Variants in TOP6BL observed in about 807,000 individuals in gnomAD.
The protein encoded by TOP6BL is type 2 DNA topoisomerase 6 subunit B-like.
At chr11:66,756,397 G>GA in the TOP6BL span, 1 of 1,152,160 alleles carries the variant, frequency 8.7e-7, no homozygotes, top group Non-Finnish European at 1.1e-6. Context: ...CAGTGGCGCA[G>GA]TCTCGGCTCA....
the TOP6BL span, chr11:66,843,150 G>C: frequency 6.2e-7 from 1 of 1,610,508 alleles, no homozygotes; most frequent in Non-Finnish European, 8.5e-7. Flanking sequence ...CCTCACCCCG[G>C]GCCCCCTTGT....
At chr11:66,838,516 C>T in the TOP6BL span, 37 of 1,386,376 alleles carry the variant, frequency 2.7e-5, no homozygotes, top group East Asian at 4.0e-4. Context: ...TTCAAACTTT[C>T]AAACTATTCC....
chr11:66,759,154 T>G, the TOP6BL span: 1 of 1,187,266 alleles, frequency 8.4e-7, no homozygotes, highest in South Asian at 1.9e-5. Context: ...TAATTTGATA[T>G]TTTCTGAAAC....
At chr11:66,809,008 C>G in the TOP6BL span, among the ~76,000 whole-genome samples, 1 of 152,104 alleles carries the variant, frequency 6.6e-6, no homozygotes, top group Admixed American at 6.6e-5. Flanking sequence ...TGCAGTGGCT[C>G]GATCTGGCTC....
the TOP6BL span, among the ~76,000 whole-genome samples, chr11:66,785,721 C>T: frequency 2.6e-5 from 4 of 152,158 alleles, no homozygotes; most frequent in Non-Finnish European, 5.9e-5. Flanking sequence ...GAGGCTGCTG[C>T]CAGAATCCCC....
the TOP6BL span, among the ~76,000 whole-genome samples, chr11:66,829,724 C>CA: frequency 2.0e-5 from 3 of 151,406 alleles, no homozygotes; most frequent in Admixed American, 2.0e-4. Flanking sequence ...CCCATCTCTA[C>CA]AAAAAAATAG....
the TOP6BL span, among the ~76,000 whole-genome samples, chr11:66,806,376 G>C: frequency 6.6e-6 from 1 of 152,182 alleles, no homozygotes; most frequent in Non-Finnish European, 1.5e-5. Context: ...TAATCCATGT[G>C]AAGCTCCTAG....
At chr11:66,832,382 G>A in the TOP6BL span, among the ~76,000 whole-genome samples, 6 of 152,182 alleles carry the variant, frequency 3.9e-5, no homozygotes, top group Admixed American at 3.9e-4. Context: ...TTACAGGCAT[G>A]AGCCACCGCG....
the TOP6BL span, among the ~76,000 whole-genome samples, chr11:66,809,908 C>T: frequency 6.6e-6 from 1 of 152,058 alleles, no homozygotes; most frequent in Non-Finnish European, 1.5e-5. Context: ...GACAGGGTCT[C>T]ACCCCCGAGT....
the TOP6BL span, among the ~76,000 whole-genome samples, chr11:66,760,625 CAAAAAA>C: frequency 1.8e-3 from 100 of 54,152 alleles, 1 homozygote; most frequent in South Asian, 5.2e-3. Flanking sequence ...CCCATCTTTA[CAAAAAA>C]AAAAAAAAAA....
At chr11:66,842,892 C>A in the TOP6BL span, 8 of 1,574,746 alleles carry the variant, frequency 5.1e-6, no homozygotes, top group Middle Eastern at 1.8e-4. Flanking sequence ...AGAGGGGCAG[C>A]CCCCGCATAG....
chr11:66,770,226 C>T, the TOP6BL span, among the ~76,000 whole-genome samples: 168 of 152,282 alleles, frequency 1.1e-3, 2 homozygotes, highest in Admixed American at 0.011. Flanking sequence ...TCTTGGCCTT[C>T]CCAGCCTTCA....
the TOP6BL span, among the ~76,000 whole-genome samples, chr11:66,758,763 TA>T: frequency 6.6e-6 from 1 of 152,222 alleles, no homozygotes; most frequent in Non-Finnish European, 1.5e-5. Flanking sequence ...TCAAGTAGAG[TA>T]TCATCCAAAG....
the TOP6BL span, among the ~76,000 whole-genome samples, chr11:66,747,189 A>G: frequency 6.6e-5 from 10 of 151,878 alleles, no homozygotes; most frequent in East Asian, 1.4e-3. Context: ...CACCGCCTCA[A>G]CCTCCCGAAG....
chr11:66,795,714 T>C, the TOP6BL span, among the ~76,000 whole-genome samples: 3 of 151,938 alleles, frequency 2.0e-5, no homozygotes, highest in Non-Finnish European at 4.4e-5. Flanking sequence ...TTTTTTTTTT[T>C]CAAGAGTATT....
the TOP6BL span, among the ~76,000 whole-genome samples, chr11:66,773,015 T>G: frequency 1.3e-5 from 2 of 152,194 alleles, no homozygotes. Context: ...GGCCTGATTT[T>G]TTCCTTCCTA....
the TOP6BL span, among the ~76,000 whole-genome samples, chr11:66,745,309 C>CGGG: frequency 2.7e-3 from 32 of 11,812 alleles, no homozygotes; most frequent in African/African-American, 9.0e-3. Flanking sequence ...CGTTGCGGGG[C>CGGG]GGGGTGGGGG....
At chr11:66,777,071 CTATATCTATA>C in the TOP6BL span, among the ~76,000 whole-genome samples, 3 of 149,622 alleles carry the variant, frequency 2.0e-5, no homozygotes, top group Non-Finnish European at 4.4e-5. Flanking sequence ...ATCTATATAT[CTATATCTATA>C]TATATCTATA....
At chr11:66,795,008 C>T in the TOP6BL span, among the ~76,000 whole-genome samples, 1 of 151,946 alleles carries the variant, frequency 6.6e-6, no homozygotes, top group Admixed American at 6.6e-5. Context: ...ATGGCACGCA[C>T]CTGTAGTCCC....
Sources: allele counts gnomAD v4.1 joint callset (sites outside exome capture counted in the v4.1 genomes callset), GRCh38; gene constraint gnomAD v4.1.1; transcripts MANE v1.5; gene names NCBI Gene and HGNC (gene_info 2026-07-23, HGNC 2026-07-21).